LGALS3: variants seen among roughly 807,000 people sequenced by gnomAD.
The protein encoded by LGALS3 is galectin 3.
Under a neutral mutation model 20.7 loss-of-function variants are expected in LGALS3, and 18 were observed. The observed-to-expected ratio is 0.87, with a 90% CI of 0.60 to 1.29. The LOEUF (loss-of-function observed/expected upper bound fraction) is 1.29. Ranked by LOEUF, LGALS3 falls within the 50% of genes most tolerant of loss-of-function variation. The pLI is 0.00. For missense variants in LGALS3, 315 were observed against 314.7 expected, an observed-to-expected ratio of 1.00 and a Z score of -0.01; for synonymous variants, 112 against 119.6, an observed-to-expected ratio of 0.94 and a Z score of 0.42.
At chr14:55,143,805 GGAAA>G (rs1881718220) in intron 5 of LGALS3, 1 of 151,412 alleles carries the variant, frequency 6.6e-6, no homozygotes, top group African/African-American at 2.4e-5. Context: ...ACTCCAACCT[GGAAA>G]GATTTTACTA....
intron 3 of LGALS3, 69 bp from the exon 4 acceptor site, chr14:55,140,206 T>A: frequency 1.0e-6 from 1 of 986,470 alleles, no homozygotes; most frequent in Non-Finnish European, 1.6e-6. Context: ...GATGGAACTT[T>A]AGCAACATCG....
rs757523679 is a variant in LGALS3 at position 55,145,193 on chromosome 14, TAAA to T, written c.679_681del (p.Lys227del). 1 of 1,613,932 alleles carries T rather than the reference TAAA, an allele frequency of 6.2e-7. No individual in the cohort carries two copies. The highest frequency in any genetic ancestry group is 8.5e-7 in the Non-Finnish European group (1 of 1,179,924). ...ACTTGTTGCAGTACAATCATCGGGT[TAAA>T]AAACTCAATGAAATCAGCAAACTGG... is the stretch of plus-strand genomic sequence containing the variant. On this transcript the variant is annotated inframe_deletion, in exon 6 of 6. Transcript: ENST00000254301.
chr14:55,142,528 A>C, intron 4 of LGALS3, 56 bp from the exon 5 acceptor site: 1 of 1,421,058 alleles, frequency 7.0e-7, no homozygotes, highest in Non-Finnish European at 9.8e-7. Context: ...TGTTCTTTAC[A>C]CAGTGCAAAT....
chr14:55,145,031 T>C (rs1881764860), intron 5 of LGALS3, 85 bp from the exon 6 acceptor site: 1 of 1,092,008 alleles, frequency 9.2e-7, no homozygotes, highest in East Asian at 2.4e-5. Flanking sequence ...ATAGTGCAGA[T>C]GAAATATGTA....
intron 5 of LGALS3, among the ~76,000 whole-genome samples, chr14:55,143,078 AAC>A (rs1881684835): frequency 6.6e-6 from 1 of 152,258 alleles, no homozygotes; most frequent in Admixed American, 6.5e-5. Context: ...TGTTGCTTAA[AAC>A]ACAGTTGGCA....
chr14:55,144,968 T>G, intron 5 of LGALS3, 148 bp from the exon 6 acceptor site: 1 of 647,452 alleles, frequency 1.5e-6, no homozygotes, highest in South Asian at 1.9e-5. Flanking sequence ...CAGACTGGTT[T>G]GAAATTAATG....
At chr14:55,137,653 G>A in intron 2 of LGALS3, 1 of 1,417,828 alleles carries the variant, frequency 7.1e-7, no homozygotes, top group South Asian at 1.6e-5. Flanking sequence ...AGTGGACTCT[G>A]CCGGCAGGAG....
rs1410938160 is a variant in LGALS3, at chr14:55,142,623, C to T, written c.471C>T (p.Phe157=). The change falls in exon 5 of 6, where the codon TTC becomes TTT. Residue 157 remains phenylalanine (F), a synonymous_variant. Coordinates refer to ENST00000254301, the MANE Select transcript of LGALS3 (RefSeq NM_002306.4). ...TCCAAAGAGGGAATGATGTTGCCTT[C>T]CACTTTAACCCACGCTTCAATGAGA... The part of the protein sequence containing the change: ...LDFQRGNDVA[F]HFNPRFNENN... 17 of 1,613,714 alleles carry T rather than the reference C, an allele frequency of 1.1e-5. No homozygotes were observed. The highest frequency in any genetic ancestry group is 1.4e-5 in the Non-Finnish European group (17 of 1,179,618).
chr14:55,142,829 TGA>T (rs1881677329), intron 5 of LGALS3, 80 bp downstream of exon 5: 1 of 1,175,464 alleles, frequency 8.5e-7, no homozygotes, highest in Non-Finnish European at 1.2e-6. Context: ...GCACTTGAAG[TGA>T]GAGTTTTTAT....
chr14:55,139,650 G>T (rs187446146), intron 3 of LGALS3, among the ~76,000 whole-genome samples: 10 of 152,230 alleles, frequency 6.6e-5, no homozygotes, highest in Admixed American at 5.9e-4. Flanking sequence ...AAATAAAAAG[G>T]TTTGGGTGAT....
intron 1 of LGALS3, among the ~76,000 whole-genome samples, chr14:55,136,890 C>A (rs1420229873): frequency 1.4e-5 from 2 of 140,214 alleles, no homozygotes; most frequent in Admixed American, 1.5e-4. Flanking sequence ...AGTTTTAGAT[C>A]CTGTGGCCCC....
chr14:55,137,547 T>A (rs1175048176), intron 2 of LGALS3, 156 bp downstream of exon 2: 11 of 1,558,358 alleles, frequency 7.1e-6, no homozygotes, highest in Non-Finnish European at 9.5e-6. Flanking sequence ...TGGAGCCTTG[T>A]TTTTCCAGCA....
chr14:55,142,500 G>A, intron 4 of LGALS3, 84 bp from the exon 5 acceptor site: 2 of 1,135,804 alleles, frequency 1.8e-6, no homozygotes, highest in Non-Finnish European at 2.5e-6. Flanking sequence ...GAAATTATTT[G>A]CTTTTTAGAA....
At chr14:55,134,652 C>T (rs1028442225) in intron 1 of LGALS3, among the ~76,000 whole-genome samples, 3 of 152,146 alleles carry the variant, frequency 2.0e-5, no homozygotes, top group Non-Finnish European at 4.4e-5. Context: ...AGTGTGGCAG[C>T]CTTTTGGGGA....
intron 1 of LGALS3, 33 bp from the exon 2 acceptor site, chr14:55,137,337 T>C (rs1881432819): frequency 6.2e-7 from 1 of 1,604,010 alleles, no homozygotes; most frequent in Admixed American, 1.7e-5. Flanking sequence ...GTGAAAGCTT[T>C]TAGGATAAAA....
intron 3 of LGALS3, 178 bp downstream of exon 3, chr14:55,138,546 G>A (rs977992808): frequency 9.2e-6 from 7 of 764,770 alleles, no homozygotes; most frequent in Admixed American, 1.8e-5. Context: ...ATAAACAGAA[G>A]GTAATGAGTA....
chr14:55,135,206 A>C (rs1336323339), intron 1 of LGALS3, among the ~76,000 whole-genome samples: 1 of 151,736 alleles, frequency 6.6e-6, no homozygotes, highest in African/African-American at 2.4e-5. Flanking sequence ...ATGTCTGACT[A>C]TGATATAAAT....
intron 1 of LGALS3, 97 bp from the exon 2 acceptor site, chr14:55,137,273 A>T (rs45509294): frequency 3.7e-5 from 43 of 1,158,036 alleles, no homozygotes; most frequent in Non-Finnish European, 5.4e-5. Flanking sequence ...ATGCCTAGAG[A>T]TGGATTAGAA....
intron 2 of LGALS3, chr14:55,137,655 C>A (rs541379326): frequency 1.4e-6 from 2 of 1,415,996 alleles, no homozygotes; most frequent in Non-Finnish European, 9.2e-7. Context: ...TGGACTCTGC[C>A]GGCAGGAGCT....
Sources: gnomAD v4.1 joint callset for allele counts (sites outside exome capture counted in the v4.1 genomes callset) on GRCh38, gnomAD v4.1.1 for gene constraint, MANE v1.5 for transcripts, NCBI Gene and HGNC (gene_info 2026-07-23, HGNC 2026-07-21) for gene names.